Variants in COL21A1 observed in about 807,000 individuals in gnomAD.
The protein encoded by COL21A1 is collagen type XXI alpha 1 chain, also known as collagen alpha-1(XXI) chain.
Under a neutral mutation model 137.9 loss-of-function variants are expected in COL21A1, and 149 were observed. That is an observed-to-expected ratio of 1.08 (90% CI 0.95 to 1.24). The LOEUF (loss-of-function observed/expected upper bound fraction) is 1.24. Among genes scored for constraint, COL21A1 ranks in the 50% most tolerant of loss-of-function variants. The pLI is 0.00. For missense variants in COL21A1, 1,167 were observed against 1,158.4 expected, an observed-to-expected ratio of 1.01 and a Z score of -0.11; for synonymous variants, 456 against 391.5, an observed-to-expected ratio of 1.16 and a Z score of -1.95.
At chr6:56,280,667 G>C (rs146799640) in intron 1 of COL21A1, among the ~76,000 whole-genome samples, 1 of 152,168 alleles carries the variant, frequency 6.6e-6, no homozygotes, top group Non-Finnish European at 1.5e-5. Flanking sequence ...GTATGAAAGA[G>C]ATTTATTCTC....
chr6:56,339,953 T>C (rs17224373), intron 1 of COL21A1, among the ~76,000 whole-genome samples: 30,984 of 152,070 alleles, frequency 0.2, 3,838 homozygotes, highest in Middle Eastern at 0.35. Context: ...GCAGTCAATA[T>C]CACACTTTTG....
chr6:56,157,073 A>G (rs1213646540), intron 9 of COL21A1, 124 bp from the exon 10 acceptor site: 12 of 349,512 alleles, frequency 3.4e-5, no homozygotes, highest in Admixed American at 1.6e-4. Context: ...AAACAAAAGT[A>G]AAAAAAAAAA....
intron 16 of COL21A1, among the ~76,000 whole-genome samples, chr6:56,103,860 G>A (rs555879201): frequency 6.6e-6 from 1 of 152,216 alleles, no homozygotes; most frequent in African/African-American, 2.4e-5. Flanking sequence ...GGTAGGTCTG[G>A]GGCAACCCCT....
chr6:56,326,407 G>C (rs1041688953), intron 1 of COL21A1, among the ~76,000 whole-genome samples: 2 of 151,730 alleles, frequency 1.3e-5, no homozygotes, highest in Non-Finnish European at 2.9e-5. Flanking sequence ...AGAAGCAAAA[G>C]GATAATAATG....
chr6:56,368,422 G>T (rs1289577171), intron 1 of COL21A1, among the ~76,000 whole-genome samples: 1 of 152,176 alleles, frequency 6.6e-6, no homozygotes, highest in East Asian at 1.9e-4. Flanking sequence ...GATAATTTTA[G>T]GTGGATGATT....
intron 1 of COL21A1, chr6:56,276,816 G>GTTTTT: frequency 1.3e-6 from 1 of 755,728 alleles, no homozygotes; most frequent in Non-Finnish European, 2.1e-6. Flanking sequence ...TGTTTTTTTT[G>GTTTTT]TTTTTTTTTT....
chr6:56,233,405 T>C (rs1781708064), intron 1 of COL21A1, among the ~76,000 whole-genome samples: 3 of 151,864 alleles, frequency 2.0e-5, no homozygotes, highest in South Asian at 4.1e-4. Flanking sequence ...AGGACTCAGT[T>C]AAATCTAATT....
chr6:56,221,699 A>T (rs918857340), intron 1 of COL21A1, among the ~76,000 whole-genome samples: 2 of 152,154 alleles, frequency 1.3e-5, no homozygotes, highest in African/African-American at 4.8e-5. Flanking sequence ...ACTGAGTGAC[A>T]GAACAAGACT....
intron 1 of COL21A1, among the ~76,000 whole-genome samples, chr6:56,211,197 A>T (rs1780151081): frequency 4.9e-5 from 1 of 20,488 alleles, no homozygotes; most frequent in Non-Finnish European, 9.0e-5. Context: ...GTATATATGT[A>T]TATATACATA....
At chr6:56,280,720 C>T (rs1763769304) in intron 1 of COL21A1, among the ~76,000 whole-genome samples, 1 of 152,108 alleles carries the variant, frequency 6.6e-6, no homozygotes, top group South Asian at 2.1e-4. Flanking sequence ...AGGGTCGAAA[C>T]AATTCACCCT....
chr6:56,201,403 G>C (rs1779399305), intron 1 of COL21A1, among the ~76,000 whole-genome samples: 1 of 152,150 alleles, frequency 6.6e-6, no homozygotes, highest in African/African-American at 2.4e-5. Context: ...GAATGGTATT[G>C]CCTAGGTTTT....
chr6:56,278,573 T>G (rs1003102060), intron 1 of COL21A1, among the ~76,000 whole-genome samples: 5 of 152,236 alleles, frequency 3.3e-5, no homozygotes, highest in Non-Finnish European at 5.9e-5. Flanking sequence ...CCTTCAGATA[T>G]GCACTTTATA....
chr6:56,167,603 C>T (rs1776693166), intron 6 of COL21A1, among the ~76,000 whole-genome samples: 1 of 152,148 alleles, frequency 6.6e-6, no homozygotes, highest in Non-Finnish European at 1.5e-5. Context: ...AGACACATTT[C>T]TCCATCCAAA....
intron 3 of COL21A1, among the ~76,000 whole-genome samples, chr6:56,173,672 T>TA (rs1777233416): frequency 6.6e-6 from 1 of 152,144 alleles, no homozygotes. Context: ...ATTATGATTA[T>TA]ATATGCAGCC....
intron 1 of COL21A1, among the ~76,000 whole-genome samples, chr6:56,257,423 T>C (rs1029995834): frequency 4.0e-5 from 6 of 149,362 alleles, no homozygotes; most frequent in Admixed American, 4.0e-4. Flanking sequence ...AAATACCCAA[T>C]AGAATAATCA....
intron 1 of COL21A1, among the ~76,000 whole-genome samples, chr6:56,237,777 T>A (rs2152322289): frequency 6.6e-6 from 1 of 152,270 alleles, no homozygotes; most frequent in Middle Eastern, 3.4e-3. Context: ...CTAACTATTC[T>A]ACAGAGGCAA....
chr6:56,077,620 T>A, intron 17 of COL21A1, 47 bp from the exon 18 acceptor site: 1 of 1,169,890 alleles, frequency 8.5e-7, no homozygotes, highest in Non-Finnish European at 1.2e-6. Flanking sequence ...AATTGAAGAC[T>A]TTATCATTAA....
At chr6:56,097,249 G>C (rs1255021071) in intron 17 of COL21A1, among the ~76,000 whole-genome samples, 1 of 152,074 alleles carries the variant, frequency 6.6e-6, no homozygotes. Flanking sequence ...AATCCATTGG[G>C]CTGGAGTGGG....
intron 1 of COL21A1, chr6:56,276,563 A>G (rs2152333261): frequency 2.2e-6 from 3 of 1,357,208 alleles, no homozygotes; most frequent in African/African-American, 1.4e-5. Context: ...TTTGTACTTA[A>G]TGCCTTTCTC....
Sources: allele counts gnomAD v4.1 joint callset (sites outside exome capture counted in the v4.1 genomes callset), GRCh38; gene constraint gnomAD v4.1.1; transcripts MANE v1.5; gene names NCBI Gene and HGNC (gene_info 2026-07-23, HGNC 2026-07-21).